Variants in AIG1 observed in about 807,000 individuals in gnomAD.
The protein encoded by AIG1 is androgen-induced gene 1 protein.
A neutral mutation model predicts 31.4 loss-of-function variants in AIG1; 23 were observed. The ratio of observed to expected loss-of-function variants is 0.73; its 90% CI spans 0.53 to 1.04. AIG1 has a LOEUF of 1.04. Among genes scored for constraint, AIG1 ranks in the 50% least tolerant of loss-of-function variants. AIG1 has a pLI of 0.00. For synonymous variants in AIG1, 100 were observed against 110.5 expected (o/e 0.90, Z 0.60); for missense variants, 274 against 295.0 (o/e 0.93, Z 0.52).
chr6:143,277,753 G>T (rs1797045162), intron 3 of AIG1, among the ~76,000 whole-genome samples: 1 of 152,150 alleles, frequency 6.6e-6, no homozygotes, highest in Non-Finnish European at 1.5e-5. Context: ...AGGAAAAAAC[G>T]ATTCTTGCCT....
In AIG1 at chr6:143,136,122, G is replaced by A. The variant is rs117120485; in HGVS notation, c.142-713G>A. ...TAACCTGTAGTTTTTTTGGGGGGGC[G>A]GTTAGAGAAATTGTATGGGTATCTC... On this transcript the variant is annotated intron_variant, in intron 1 of 5. Coordinates refer to ENST00000357847, the MANE Select transcript of AIG1 (RefSeq NM_016108.4). Among the ~76,000 whole-genome samples, 1,073 of 152,056 alleles carry A rather than the reference G, an allele frequency of 7.1e-3. 40 individuals are homozygous for A. The highest frequency in any genetic ancestry group is 0.061 in the Admixed American group (932 of 15,254).
At chr6:143,318,031 A>G (rs1333491816) in intron 4 of AIG1, among the ~76,000 whole-genome samples, 3 of 152,216 alleles carry the variant, frequency 2.0e-5, no homozygotes, top group Non-Finnish European at 4.4e-5. Context: ...TCCCATGCTC[A>G]TGGATAGGTA....
chr6:143,239,598 C>G (rs942957637), intron 3 of AIG1, among the ~76,000 whole-genome samples: 1 of 152,212 alleles, frequency 6.6e-6, no homozygotes, highest in African/African-American at 2.4e-5. Context: ...CTCTCATCTT[C>G]CTGCTTCCAC....
chr6:143,143,248 A>G (rs1413968403), intron 2 of AIG1, among the ~76,000 whole-genome samples: 1 of 151,718 alleles, frequency 6.6e-6, no homozygotes, highest in Non-Finnish European at 1.5e-5. Context: ...TCTGGATTCA[A>G]CTTAAAAATA....
intron 1 of AIG1, among the ~76,000 whole-genome samples, chr6:143,122,280 C>T (rs1782305121): frequency 6.6e-6 from 1 of 152,072 alleles, no homozygotes; most frequent in African/African-American, 2.4e-5. Context: ...TGAGACTAGC[C>T]TTATCCTTTC....
At chr6:143,170,713 G>A (rs1026583438) in intron 3 of AIG1, among the ~76,000 whole-genome samples, 2 of 151,258 alleles carry the variant, frequency 1.3e-5, no homozygotes, top group South Asian at 2.1e-4. Context: ...GTTCCTTGAG[G>A]TGCATCTTTA....
chr6:143,338,590 G>A lies in AIG1; in HGVS notation c.680-1049G>A, dbSNP rs17072448. The A allele has an allele frequency of 3.3e-5, 5 of 151,994 alleles. No individual in the cohort carries two copies. Among genetic ancestry groups the A allele is most frequent in the African/African-American group, 1.2e-4 (5 of 41,350 alleles). The allele number at this position is 151,994 out of a possible 1,614,324, so 9.4% of individuals were successfully genotyped here. A position where few individuals can be genotyped will look rare whatever the true frequency, so the allele number is the denominator to read the frequency against. ...GGTTAAATTTTATAATTTTCATATT[G>A]TGGAGTCCCATATTTTGTTCTGCTT... On this transcript the variant is annotated intron_variant, in intron 5 of 5. Coordinates refer to ENST00000357847, the MANE Select transcript of AIG1 (RefSeq NM_016108.4). This position sits in a 1 kb window ranked among gnomAD's most constrained non-coding sequence, Gnocchi z 4.3.
Position 143,328,650 on chromosome 6 carries a change from GTAATT to G in AIG1, c.516-4626_516-4622del, listed in dbSNP as rs1776810132. On this transcript the variant is annotated intron_variant, in intron 4 of 5. Coordinates refer to ENST00000357847, the MANE Select transcript of AIG1 (RefSeq NM_016108.4). This position sits in a 1 kb window ranked among gnomAD's most constrained non-coding sequence, Gnocchi z 4.0. ...ATGTACACAGTTTCAAGGTATATGT[GTAATT>G]TAATTCATTCATATAAGCCATTTAC... 2.6e-5 allele frequency among the ~76,000 whole-genome samples: 4 copies of G among 152,112 alleles called. No individual in the cohort carries two copies. The highest frequency in any genetic ancestry group is 2.9e-5 in the Non-Finnish European group (2 of 68,016).
At chr6:143,313,961 T>G (rs2128709560) in intron 4 of AIG1, among the ~76,000 whole-genome samples, 1 of 152,068 alleles carries the variant, frequency 6.6e-6, no homozygotes, top group Admixed American at 6.6e-5. Context: ...GGATATTCCC[T>G]CTCACAACTC....
At chr6:143,323,490 T>C (rs1776381243) in intron 4 of AIG1, among the ~76,000 whole-genome samples, 1 of 152,200 alleles carries the variant, frequency 6.6e-6, no homozygotes, top group Non-Finnish European at 1.5e-5. Context: ...CCACTGTATA[T>C]CAAAAATGGA....
At chr6:143,217,572 G>C (rs1412645115) in intron 3 of AIG1, among the ~76,000 whole-genome samples, 1 of 152,058 alleles carries the variant, frequency 6.6e-6, no homozygotes, top group African/African-American at 2.4e-5. Context: ...GGAGTGGTGT[G>C]ATCTCTGCTC....
chr6:143,310,738 A>G (rs56303707), intron 4 of AIG1, among the ~76,000 whole-genome samples: 33,748 of 151,428 alleles, frequency 0.22, 3,910 homozygotes, highest in South Asian at 0.28. Context: ...TATACAAATT[A>G]TTAATATAAT....
intron 3 of AIG1, among the ~76,000 whole-genome samples, chr6:143,197,174 G>T (rs1229523828): frequency 6.7e-6 from 1 of 149,540 alleles, no homozygotes; most frequent in Non-Finnish European, 1.5e-5. Context: ...CGACACAAAA[G>T]TGCTTTTTTT....
chr6:143,101,828 T>A (rs1583179667), intron 1 of AIG1, among the ~76,000 whole-genome samples: 1 of 152,082 alleles, frequency 6.6e-6, no homozygotes, highest in African/African-American at 2.4e-5. Flanking sequence ...ATAATAATAA[T>A]AAAAACTTCT....
chr6:143,160,973 G>A (rs561580124), intron 2 of AIG1, among the ~76,000 whole-genome samples: 1 of 152,272 alleles, frequency 6.6e-6, no homozygotes, highest in East Asian at 1.9e-4. Context: ...CTCATGTGTT[G>A]TGGATGCTAT....
intron 3 of AIG1, among the ~76,000 whole-genome samples, chr6:143,250,084 C>T (rs759877250): frequency 7.2e-5 from 11 of 152,246 alleles, no homozygotes; most frequent in Admixed American, 1.3e-4. Context: ...CGGAGCAAGG[C>T]AGACCACTTT....
chr6:143,287,430 C>CTCT (rs1797761119), intron 4 of AIG1, among the ~76,000 whole-genome samples: 2 of 152,168 alleles, frequency 1.3e-5, no homozygotes, highest in Admixed American at 6.5e-5. Context: ...AGCCACTGGA[C>CTCT]TCTTGCCAGA....
At chr6:143,079,933 C>T (rs932765395) in intron 1 of AIG1, among the ~76,000 whole-genome samples, 3 of 152,014 alleles carry the variant, frequency 2.0e-5, no homozygotes, top group Non-Finnish European at 2.9e-5. Flanking sequence ...TGCTCTCTGG[C>T]GATATATGAT....
At chr6:143,302,628 T>G (rs189307107) in intron 4 of AIG1, among the ~76,000 whole-genome samples, 9 of 152,334 alleles carry the variant, frequency 5.9e-5, no homozygotes, top group African/African-American at 1.7e-4. Flanking sequence ...CTATCATTGT[T>G]GGACATTTGG....
Sources: gnomAD v4.1 joint callset for allele counts (sites outside exome capture counted in the v4.1 genomes callset) on GRCh38, gnomAD v4.1.1 for gene constraint, Gnocchi (gnomAD v3.1) non-coding constraint, MANE v1.5 for transcripts, NCBI Gene and HGNC (gene_info 2026-07-23, HGNC 2026-07-21) for gene names.